The following FGGY variants were observed in gnomAD, a reference collection of about 807,000 sequenced individuals.
FGGY encodes FGGY carbohydrate kinase domain containing, also known as FGGY carbohydrate kinase domain-containing protein.
FGGY carries 72 observed loss-of-function variants against 71.3 expected under a neutral mutation model. The ratio of observed to expected loss-of-function variants is 1.01; its 90% CI spans 0.84 to 1.23. The LOEUF (loss-of-function observed/expected upper bound fraction) is 1.23, where lower values mean the gene tolerates loss of function less well. FGGY is among the 50% of genes most tolerant of loss of function. The pLI is 0.00. For synonymous variants in FGGY, 251 were observed against 250.3 expected (o/e 1.00, Z -0.02); for missense variants, 668 against 682.3 (o/e 0.98, Z 0.23).
At chr1:59,419,820 T>C (rs879771008) in intron 5 of FGGY, among the ~76,000 whole-genome samples, 1 of 148,304 alleles carries the variant, frequency 6.7e-6, no homozygotes, top group Non-Finnish European at 1.5e-5. Flanking sequence ...ATGCAAATTA[T>C]GTGTCAATGG....
chr1:59,397,390 C>T (rs2061451281), intron 5 of FGGY, among the ~76,000 whole-genome samples: 1 of 152,170 alleles, frequency 6.6e-6, no homozygotes, highest in South Asian at 2.1e-4. Context: ...TAACAAACAA[C>T]ATAGTGAAAC....
intron 2 of FGGY, among the ~76,000 whole-genome samples, chr1:59,325,362 ACAG>A (rs66580113): frequency 0.36 from 54,894 of 150,706 alleles, 10,011 homozygotes; most frequent in East Asian, 0.43. Flanking sequence ...GTGTCCAACA[ACAG>A]CAACAACAAC....
At chr1:59,337,126 A>G (rs372640166) in intron 2 of FGGY, among the ~76,000 whole-genome samples, 5 of 149,058 alleles carry the variant, frequency 3.4e-5, no homozygotes, top group South Asian at 2.1e-4. Context: ...AAGTTCCACA[A>G]TAGGTCATCC....
chr1:59,629,971 G>A (rs531424200), intron 10 of FGGY, among the ~76,000 whole-genome samples: 7 of 152,258 alleles, frequency 4.6e-5, no homozygotes, highest in East Asian at 1.9e-4. Flanking sequence ...ACCTGAGACT[G>A]GGTAATTTAT....
At chr1:59,608,620 G>A (rs1005849136) in intron 9 of FGGY, among the ~76,000 whole-genome samples, 4 of 152,128 alleles carry the variant, frequency 2.6e-5, no homozygotes, top group Non-Finnish European at 5.9e-5. Context: ...ACCACCTGAG[G>A]TCTGAAGCTC....
chr1:59,666,521 A>G (rs2097327446), intron 12 of FGGY, among the ~76,000 whole-genome samples: 1 of 152,238 alleles, frequency 6.6e-6, no homozygotes, highest in Non-Finnish European at 1.5e-5. Flanking sequence ...ATTCACTTCC[A>G]TAACTCTAAG....
At position 59,653,416 on chromosome 1, in the gene FGGY, G is replaced by A. The variant is rs1225936538; in HGVS notation, c.1222-6803G>A. Among the ~76,000 whole-genome samples the A allele has an allele frequency of 2.0e-5, 3 of 152,160 alleles. 1 individual carries two copies. The highest frequency in any genetic ancestry group is 6.8e-3 in the Middle Eastern group (2 of 294). On this transcript the variant is annotated intron_variant, in intron 11 of 15. Coordinates refer to ENST00000303721, the MANE Select transcript of FGGY (RefSeq NM_018291.5). ...TAGCAATCAGCGAGATTCTGTGGGCGTAGGACCCTCCGAGCCAGGTGTGGG... is the reference window on the plus strand; with the variant it reads ...TAGCAATCAGCGAGATTCTGTGGGCATAGGACCCTCCGAGCCAGGTGTGGG...
intron 9 of FGGY, among the ~76,000 whole-genome samples, chr1:59,610,442 G>A (rs1239100492): frequency 1.3e-5 from 2 of 152,154 alleles, no homozygotes; most frequent in African/African-American, 4.8e-5. Flanking sequence ...GTATTCCATG[G>A]TGTATATGTG....
At chr1:59,632,329 T>G (rs1432952079) in intron 10 of FGGY, among the ~76,000 whole-genome samples, 1 of 152,190 alleles carries the variant, frequency 6.6e-6, no homozygotes, top group East Asian at 1.9e-4. Flanking sequence ...CCCTTAATGT[T>G]GTCTTTGTTG....
At chr1:59,409,618 AT>A (rs1557834379) in intron 5 of FGGY, among the ~76,000 whole-genome samples, 1 of 150,032 alleles carries the variant, frequency 6.7e-6, no homozygotes, top group African/African-American at 2.5e-5. Context: ...ATATATATAT[AT>A]ATATAAACAG....
At chr1:59,549,762 T>C (rs997935577) in intron 7 of FGGY, among the ~76,000 whole-genome samples, 2 of 152,238 alleles carry the variant, frequency 1.3e-5, no homozygotes, top group Admixed American at 1.3e-4. Context: ...AATCATAACA[T>C]TTGCAAAGTC....
chr1:59,425,104 G>A (rs1261593298), intron 5 of FGGY, among the ~76,000 whole-genome samples: 1 of 152,116 alleles, frequency 6.6e-6, no homozygotes, highest in Non-Finnish European at 1.5e-5. Context: ...ATATGCTTGT[G>A]AGCCGTAAAA....
intron 8 of FGGY, among the ~76,000 whole-genome samples, chr1:59,601,971 C>T (rs2096582567): frequency 6.6e-6 from 1 of 152,082 alleles, no homozygotes; most frequent in South Asian, 2.1e-4. Flanking sequence ...TTCAAGAAGC[C>T]CCAGGAGTTA....
At chr1:59,419,192 A>G (rs2065004485) in intron 5 of FGGY, among the ~76,000 whole-genome samples, 1 of 152,224 alleles carries the variant, frequency 6.6e-6, no homozygotes, top group Admixed American at 6.5e-5. Flanking sequence ...AGTGGCAAGA[A>G]GCCGTCAAAT....
At chr1:59,730,385 C>T (rs1333496286) in intron 14 of FGGY, among the ~76,000 whole-genome samples, 2 of 150,626 alleles carry the variant, frequency 1.3e-5, no homozygotes, top group East Asian at 3.9e-4. Context: ...AACCACAAGT[C>T]TCTACATGTC....
chr1:59,756,801 T>C (rs989198255), intron 14 of FGGY, among the ~76,000 whole-genome samples: 2 of 151,866 alleles, frequency 1.3e-5, no homozygotes, highest in African/African-American at 2.4e-5. Context: ...TGCAAATCAG[T>C]CAATCAGTCA....
intron 14 of FGGY, among the ~76,000 whole-genome samples, chr1:59,739,473 G>T (rs1333601322): frequency 1.3e-5 from 2 of 152,164 alleles, no homozygotes; most frequent in East Asian, 3.9e-4. Flanking sequence ...GGGTAGTGAG[G>T]GGTGCAGGGG....
At position 59,640,770 on chromosome 1, in the gene FGGY, G is replaced by A. The variant is rs74086259; in HGVS notation, c.1221+2395G>A. Among the ~76,000 whole-genome samples, 567 of 150,928 alleles carry A rather than the reference G, an allele frequency of 3.8e-3. 36 individuals are homozygous for A. The highest frequency in any genetic ancestry group is 0.013 in the African/African-American group (536 of 40,516). Reference sequence around the variant, plus strand: ...GCTACTGACACTGACTATCCATATCGTAAGTATTTAATACCAATATTAATT... The same window carrying A: ...GCTACTGACACTGACTATCCATATCATAAGTATTTAATACCAATATTAATT... On this transcript the variant is annotated intron_variant, in intron 11 of 15. Transcript: ENST00000303721.
intron 5 of FGGY, among the ~76,000 whole-genome samples, chr1:59,385,733 T>C (rs1219088694): frequency 6.6e-6 from 1 of 152,092 alleles, no homozygotes; most frequent in Non-Finnish European, 1.5e-5. Context: ...GTGAAAATAA[T>C]GATAAGATAA....
Sources: gnomAD v4.1 joint callset for allele counts (sites outside exome capture counted in the v4.1 genomes callset) on GRCh38, gnomAD v4.1.1 for gene constraint, MANE v1.5 for transcripts, NCBI Gene and HGNC (gene_info 2026-07-23, HGNC 2026-07-21) for gene names.